Variants in EPHA5 observed in about 807,000 individuals in gnomAD.
EPHA5 encodes the protein ephrin type-A receptor 5.
Under a neutral mutation model 105.0 loss-of-function variants are expected in EPHA5, and 60 were observed. That is an observed-to-expected ratio of 0.57 (90% CI 0.46 to 0.71). EPHA5 has a LOEUF of 0.71. Ranked by LOEUF, EPHA5 falls within the 30% of genes least tolerant of loss-of-function variation. EPHA5 has a pLI of 0.00. For synonymous variants in EPHA5, 513 were observed against 449.1 expected (o/e 1.14, Z -1.80); for missense variants, 1,218 against 1,274.7 (o/e 0.96, Z 0.68).
intron 3 of EPHA5, among the ~76,000 whole-genome samples, chr4:65,499,883 C>A (rs1578262338): frequency 6.7e-6 from 1 of 148,678 alleles, no homozygotes; most frequent in Non-Finnish European, 1.5e-5. Context: ...TGAATTTAAT[C>A]TGAAACAATT....
chr4:65,421,624 AT>A, intron 5 of EPHA5, among the ~76,000 whole-genome samples: 1 of 152,170 alleles, frequency 6.6e-6, no homozygotes. Context: ...TAGTAAAATC[AT>A]TTTTTTAGAT....
At chr4:65,574,655 C>CATATATATACAA (rs1740643096) in intron 3 of EPHA5, among the ~76,000 whole-genome samples, 1 of 89,308 alleles carries the variant, frequency 1.1e-5, no homozygotes, top group Admixed American at 1.1e-4. Flanking sequence ...TATATATACA[C>CATATATATACAA]ATATATATAT....
chr4:65,401,492 T>A (rs967036723), intron 8 of EPHA5, among the ~76,000 whole-genome samples: 1 of 152,004 alleles, frequency 6.6e-6, no homozygotes, highest in Admixed American at 6.6e-5. Flanking sequence ...CCCCCGAAAT[T>A]CAAGAAAATA....
chr4:65,426,512 C>T (rs1724453525), intron 5 of EPHA5, among the ~76,000 whole-genome samples: 1 of 152,084 alleles, frequency 6.6e-6, no homozygotes, highest in South Asian at 2.1e-4. Flanking sequence ...TTATATTCTA[C>T]AGGAATATAG....
chr4:65,427,154 A>G (rs1578092767), intron 5 of EPHA5, among the ~76,000 whole-genome samples: 1 of 150,056 alleles, frequency 6.7e-6, no homozygotes, highest in Admixed American at 6.7e-5. Context: ...ATGTATAAGT[A>G]TGTTTAGTAA....
chr4:65,571,411 T>TA (rs34366569), intron 3 of EPHA5, among the ~76,000 whole-genome samples: 3,635 of 151,878 alleles, frequency 0.024, 82 homozygotes, highest in Admixed American at 0.05. Flanking sequence ...CCACAAAATT[T>TA]AAAAAAGTAC....
intron 5 of EPHA5, among the ~76,000 whole-genome samples, chr4:65,431,686 C>T (rs533784822): frequency 1.8e-4 from 27 of 152,076 alleles, no homozygotes; most frequent in Admixed American, 9.2e-4. Flanking sequence ...TCCACGTGTC[C>T]TGGCCAGTGA....
At chr4:65,580,183 A>G (rs1741476809) in intron 3 of EPHA5, among the ~76,000 whole-genome samples, 1 of 151,928 alleles carries the variant, frequency 6.6e-6, no homozygotes, top group Admixed American at 6.6e-5. Context: ...AACTTTAAAA[A>G]TGTTTAAGGA....
chr4:65,497,329 C>A (rs1010664360), intron 3 of EPHA5, among the ~76,000 whole-genome samples: 1 of 151,918 alleles, frequency 6.6e-6, no homozygotes, highest in African/African-American at 2.4e-5. Flanking sequence ...CAGGAATTGG[C>A]AAAATTGAGA....
intron 5 of EPHA5, among the ~76,000 whole-genome samples, chr4:65,476,079 A>G (rs147578187): frequency 1.3e-5 from 2 of 150,750 alleles, no homozygotes; most frequent in African/African-American, 4.9e-5. Flanking sequence ...TCAGACAAAC[A>G]CTCCCTGCAT....
Position 65,420,467 on chromosome 4 carries a change from C to T in EPHA5, c.1501G>A (p.Glu501Lys), listed in dbSNP as rs865985552. The change falls in exon 6 of 17, where the codon GAG becomes AAG. Residue 501 changes from glutamate to lysine, a missense_variant. By Grantham distance (56) the Glu-to-Lys change is moderately conservative (BLOSUM62 1). This residue lies in a region of EPHA5 where 971 missense variants were observed against 1,013.5 expected (regional missense o/e 0.96). Transcript: ENST00000613740. ...EPDRPNGIIL[E>K]YEIKYFEKDQ... ...TTTTCAAAATACTTGATTTCATACT[C>T]TAGGATGATTCCATTGGGACGATCT... 5 of 1,610,332 alleles carry T rather than the reference C, an allele frequency of 3.1e-6. No homozygotes were observed. The highest frequency in any genetic ancestry group is 4.2e-6 in the Non-Finnish European group (5 of 1,178,188).
chr4:65,451,597 G>T (rs774799494), intron 5 of EPHA5, among the ~76,000 whole-genome samples: 2 of 152,142 alleles, frequency 1.3e-5, no homozygotes, highest in Non-Finnish European at 2.9e-5. Flanking sequence ...GCAGGGTAAA[G>T]CTGTTTTATC....
intron 3 of EPHA5, among the ~76,000 whole-genome samples, chr4:65,576,839 G>T (rs1387146103): frequency 6.6e-6 from 1 of 152,110 alleles, no homozygotes; most frequent in Non-Finnish European, 1.5e-5. Context: ...TAGGACAGGT[G>T]GTCATTTGAA....
At chr4:65,415,355 C>T (rs186539571) in intron 6 of EPHA5, among the ~76,000 whole-genome samples, 6 of 152,082 alleles carry the variant, frequency 3.9e-5, no homozygotes, top group East Asian at 3.9e-4. Flanking sequence ...TATGTGAAAA[C>T]AGTTCATAAA....
chr4:65,406,500 G>T (rs1298289162), intron 7 of EPHA5, among the ~76,000 whole-genome samples: 2 of 152,042 alleles, frequency 1.3e-5, no homozygotes, highest in Non-Finnish European at 2.9e-5. Context: ...AGTTCTGATG[G>T]CTTCATATTC....
intron 3 of EPHA5, among the ~76,000 whole-genome samples, chr4:65,497,708 G>A (rs985886871): frequency 6.6e-6 from 1 of 151,920 alleles, no homozygotes; most frequent in African/African-American, 2.4e-5. Flanking sequence ...TTTAATGAAT[G>A]CCTCTTAACT....
At chr4:65,504,799 A>G (rs888638606) in intron 3 of EPHA5, among the ~76,000 whole-genome samples, 5 of 152,024 alleles carry the variant, frequency 3.3e-5, no homozygotes, top group African/African-American at 1.2e-4. Context: ...AAAGGTTTCT[A>G]GGAACAATTT....
chr4:65,368,635 C>T (rs928080226), intron 8 of EPHA5, among the ~76,000 whole-genome samples: 6 of 152,134 alleles, frequency 3.9e-5, no homozygotes, highest in African/African-American at 1.4e-4. Context: ...AACTCCTTTC[C>T]TAAACTCTAC....
chr4:65,389,469 A>T (rs1473666224), intron 8 of EPHA5, among the ~76,000 whole-genome samples: 1 of 152,056 alleles, frequency 6.6e-6, no homozygotes, highest in Non-Finnish European at 1.5e-5. Context: ...ATTTTGAAAC[A>T]GGTTTCTCTT....
Sources: gnomAD v4.1 joint callset for allele counts (sites outside exome capture counted in the v4.1 genomes callset) on GRCh38, gnomAD v4.1.1 for gene constraint, gnomAD v4.1.1 regional missense constraint, MANE v1.5 for transcripts, NCBI Gene and HGNC (gene_info 2026-07-23, HGNC 2026-07-21) for gene names.